Variants in CUL2 observed in about 807,000 individuals in gnomAD.
The protein encoded by CUL2 is cullin 2.
CUL2 carries 22 observed loss-of-function variants against 110.2 expected under a neutral mutation model. The ratio of observed to expected loss-of-function variants is 0.20; its 90% CI spans 0.14 to 0.28. The LOEUF (loss-of-function observed/expected upper bound fraction) is 0.28. Ranked by LOEUF, CUL2 falls within the 10% of genes least tolerant of loss-of-function variation. CUL2 has a pLI of 1.00. For synonymous variants in CUL2, 279 were observed against 293.2 expected (o/e 0.95, Z 0.49); for missense variants, 631 against 905.5 (o/e 0.70, Z 3.89).
chr10:35,111,455 C>T (rs1286748504), intron 1 of CUL2, among the ~76,000 whole-genome samples: 5 of 152,038 alleles, frequency 3.3e-5, no homozygotes, highest in African/African-American at 9.7e-5. Flanking sequence ...GATGGAGTCT[C>T]ACTATGTTGC....
intron 3 of CUL2, among the ~76,000 whole-genome samples, chr10:35,061,764 T>C (rs1442133930): frequency 6.7e-6 from 1 of 148,828 alleles, no homozygotes; most frequent in Non-Finnish European, 1.5e-5. Flanking sequence ...GCCTTACTTA[T>C]GAGGGTTTTT....
At chr10:35,092,032 G>A (rs936879292), upstream of CUL2, among the ~76,000 whole-genome samples, 1 of 152,082 alleles carries the variant, frequency 6.6e-6, no homozygotes, top group African/African-American at 2.4e-5. Flanking sequence ...AGCTCACTGC[G>A]GCCTCAAACT....
chr10:35,051,247 G>A (rs1486611745), intron 5 of CUL2, among the ~76,000 whole-genome samples: 4 of 151,490 alleles, frequency 2.6e-5, no homozygotes, highest in Non-Finnish European at 4.4e-5. Context: ...CCCGGGAGGC[G>A]GAGCTTGCAG....
At chr10:35,062,027 AGTT>A (rs1479787492) in intron 3 of CUL2, among the ~76,000 whole-genome samples, 1 of 152,206 alleles carries the variant, frequency 6.6e-6, no homozygotes, top group Non-Finnish European at 1.5e-5. Context: ...TCCATAAGGT[AGTT>A]GTTAAGTGAG....
chr10:35,108,728 G>A (rs192824724), intron 1 of CUL2, among the ~76,000 whole-genome samples: 1 of 152,222 alleles, frequency 6.6e-6, no homozygotes, highest in East Asian at 1.9e-4. Flanking sequence ...ATTGGCCTGG[G>A]CTACAGCCAT....
intron 1 of CUL2, among the ~76,000 whole-genome samples, chr10:35,116,074 G>A (rs376314865): frequency 6.6e-6 from 1 of 152,098 alleles, no homozygotes. Flanking sequence ...CGGGCACAGC[G>A]GTTCACACCT....
chr10:35,028,776 C>A, intron 16 of CUL2, 34 bp downstream of exon 16: 2 of 1,359,856 alleles, frequency 1.5e-6, no homozygotes, highest in Non-Finnish European at 2.1e-6. Context: ...ATTAAAATTC[C>A]TTTAGTCTTC....
intron 1 of CUL2, among the ~76,000 whole-genome samples, chr10:35,124,763 T>G (rs1275016877): frequency 6.6e-6 from 1 of 152,110 alleles, no homozygotes; most frequent in Non-Finnish European, 1.5e-5. Flanking sequence ...AGATCTGATA[T>G]GGGAAAGAAA....
intron 1 of CUL2, among the ~76,000 whole-genome samples, chr10:35,088,095 C>T (rs2087105732): frequency 6.6e-6 from 1 of 152,184 alleles, no homozygotes; most frequent in South Asian, 2.1e-4. Flanking sequence ...GAAGTAATCT[C>T]CCAATCACTA....
At chr10:35,092,573 T>C (rs1485606009), upstream of CUL2, among the ~76,000 whole-genome samples, 1 of 152,184 alleles carries the variant, frequency 6.6e-6, no homozygotes, top group East Asian at 1.9e-4. Flanking sequence ...GAAAAGCACT[T>C]GTGTGGTTGA....
intron 1 of CUL2, among the ~76,000 whole-genome samples, chr10:35,120,661 C>G (rs1031336367): frequency 6.6e-6 from 1 of 151,840 alleles, no homozygotes; most frequent in African/African-American, 2.4e-5. Flanking sequence ...ATTTGAGAGG[C>G]CAAGGCAGGC....
intron 4 of CUL2, among the ~76,000 whole-genome samples, chr10:35,058,080 A>G (rs997891118): frequency 3.3e-5 from 5 of 152,238 alleles, no homozygotes; most frequent in African/African-American, 4.8e-5. Flanking sequence ...CCGGGGAAAC[A>G]GCGAGACTCG....
chr10:35,060,867 C>A lies in CUL2; in HGVS notation c.317+7G>T, dbSNP rs200285461. 2.5e-6 allele frequency: 4 copies of A among 1,602,700 alleles called. No individual in the cohort carries two copies. In the East Asian group the frequency reaches 9.0e-5, roughly 36 times the overall value. On this transcript the variant is annotated splice_region_variant and intron_variant, in intron 4 of 20. Transcript: ENST00000374749. Reference sequence around the variant, plus strand: ...TTAGCTTGTCTAGATTTTAAAGGCACACTCACCTATATAAGCAGTCCATAT... The same window carrying A: ...TTAGCTTGTCTAGATTTTAAAGGCAAACTCACCTATATAAGCAGTCCATAT...
chr10:35,023,265 C>T (rs960885467), intron 17 of CUL2, among the ~76,000 whole-genome samples: 4 of 152,146 alleles, frequency 2.6e-5, no homozygotes, highest in Non-Finnish European at 5.9e-5. Context: ...AGAAAAACAA[C>T]TCTAACTCCT....
chr10:35,028,709 A>G (rs2085393118), intron 16 of CUL2, 101 bp downstream of exon 16: 1 of 685,534 alleles, frequency 1.5e-6, no homozygotes, highest in African/African-American at 1.8e-5. Context: ...TATTTTTATC[A>G]CATGAACCCT....
chr10:35,043,969 G>A (rs889918712), intron 8 of CUL2, among the ~76,000 whole-genome samples: 1 of 147,544 alleles, frequency 6.8e-6, no homozygotes, highest in Non-Finnish European at 1.5e-5. Context: ...TTCGTAGGCT[G>A]AGACAGGAGG....
At chr10:35,022,095 T>C (rs768041454) in intron 17 of CUL2, among the ~76,000 whole-genome samples, 12 of 152,258 alleles carry the variant, frequency 7.9e-5, no homozygotes, top group Admixed American at 7.2e-4. Context: ...GTCTTCCTAC[T>C]AGACATGAGT....
At chr10:35,077,771 C>T (rs2086855955) in intron 1 of CUL2, among the ~76,000 whole-genome samples, 3 of 148,914 alleles carry the variant, frequency 2.0e-5, no homozygotes, top group Non-Finnish European at 3.0e-5. Flanking sequence ...GAGTCGAGAT[C>T]GTGCCATTGC....
chr10:35,104,520 C>T (rs146157778), intron 1 of CUL2, among the ~76,000 whole-genome samples: 2 of 152,132 alleles, frequency 1.3e-5, no homozygotes, highest in South Asian at 2.1e-4. Context: ...ATTTTGATTG[C>T]CTAGAACCTT....
Sources: allele counts gnomAD v4.1 joint callset (sites outside exome capture counted in the v4.1 genomes callset), GRCh38; gene constraint gnomAD v4.1.1; transcripts MANE v1.5; gene names NCBI Gene and HGNC (gene_info 2026-07-23, HGNC 2026-07-21).